The following FOXN1 variants were observed in gnomAD, a reference collection of about 807,000 sequenced individuals.
FOXN1 encodes the protein forkhead box protein N1.
A neutral mutation model predicts 49.0 loss-of-function variants in FOXN1; 15 were observed. The ratio of observed to expected loss-of-function variants is 0.31; its 90% CI spans 0.20 to 0.47. The LOEUF (loss-of-function observed/expected upper bound fraction) is 0.47, where lower values mean the gene tolerates loss of function less well. FOXN1 is among the 20% of genes least tolerant of loss of function. The pLI, the probability that FOXN1 is intolerant of heterozygous loss-of-function variation, is 1.00. For synonymous variants in FOXN1, 356 were observed against 369.0 expected (o/e 0.96, Z 0.40); for missense variants, 800 against 842.8 (o/e 0.95, Z 0.63).
Position 28,535,094 on chromosome 17 carries a change from A to C in FOXN1, c.1523A>C (p.Glu508Ala). Residue 508 changes from glutamate (E) to alanine (A), a missense_variant, in exon 8 of 9, where the codon GAG becomes GCG. Physicochemically the swap from Glu to Ala is moderately radical, Grantham distance 107. Around this residue, in one of 3 missense-constraint regions of FOXN1, gnomAD observed 344 missense variants for 366.1 expected, o/e 0.94. Coordinates refer to ENST00000579795, the MANE Select transcript of FOXN1 (RefSeq NM_001369369.1). ...PPSHSAKLLAEPSPARTMHDT... is the reference protein window; with the variant it reads ...PPSHSAKLLAAPSPARTMHDT... ...AGCCACAGTGCCAAGCTACTGGCCG[A>C]GCCTTCCCCAGCCAGGACTATGCAC... 6.2e-7 allele frequency: 1 copy of C among 1,607,080 alleles called. No homozygotes were observed. Among genetic ancestry groups the C allele is most frequent in the Non-Finnish European group, 8.5e-7 (1 of 1,175,196 alleles).
At position 28,529,085 on chromosome 17, in the gene FOXN1, C is replaced by A. The variant is rs755343480; in HGVS notation, c.700-9C>A. 12 of 1,614,072 alleles carry A rather than the reference C, an allele frequency of 7.4e-6. No individual in the cohort carries two copies. The Middle Eastern group carries it at 4.9e-4, about 67-fold the overall frequency. On this transcript the variant is annotated splice_polypyrimidine_tract_variant and intron_variant, in intron 4 of 8. Coordinates refer to ENST00000579795, the MANE Select transcript of FOXN1 (RefSeq NM_001369369.1). ...CATGCAATCACTCTGCCCCTTTTGACCTCCTCAGTACTCGCCAGGTGGTGG... is the reference window on the plus strand; with the variant it reads ...CATGCAATCACTCTGCCCCTTTTGAACTCCTCAGTACTCGCCAGGTGGTGG...
Position 28,516,164 on chromosome 17 carries a change from TACCTCCACAGGGTACAC to T in FOXN1, c.-14-7763_-14-7747del, listed in dbSNP as rs1229010673. On this transcript the variant is annotated intron_variant, in intron 1 of 8. Transcript: ENST00000579795. ...AGGGTACACATCTCCACAGGATCCA[TACCTCCACAGGGTACAC>T]ACCTCCACAGGGTACACACCTCCAC... Among the ~76,000 whole-genome samples the T allele has an allele frequency of 6.0e-4, 77 of 128,640 alleles. 1 individual carries two copies. The highest frequency in any genetic ancestry group is 3.6e-3 in the South Asian group (14 of 3,840). 84.4% of individuals were successfully genotyped at this position (128,640 alleles called of 152,430 possible). A position where few individuals can be genotyped will look rare whatever the true frequency, so the allele number is the denominator to read the frequency against.
At chr17:28,535,223 G>C in intron 8 of FOXN1, 25 bp downstream of exon 8, 1 of 1,610,134 alleles carries the variant, frequency 6.2e-7, no homozygotes, top group Non-Finnish European at 8.5e-7. Context: ...GGAAAGGGAA[G>C]GTGGGACAGG....
Position 28,537,331 on chromosome 17 carries a change from CA to C in FOXN1, c.1843del (p.Thr615ProfsTer61). On this transcript the variant is annotated frameshift_variant, in exon 9 of 9. Coordinates refer to ENST00000579795, the MANE Select transcript of FOXN1 (RefSeq NM_001369369.1). LOFTEE classifies it high-confidence loss of function. ...GGGCACTGGGTGACCTGCACCTCAC[CA>C]CCCTCTACTCTGCCTTTATGGAGCT... ...SGALGDLHLT[T>X]LYSAFMELEP... 6.2e-7 allele frequency: 1 copy of C among 1,613,436 alleles called. No homozygotes were observed. The highest frequency in any genetic ancestry group is 8.5e-7 in the Non-Finnish European group (1 of 1,179,658).
In FOXN1 at chr17:28,514,152, C is replaced by A. The variant is rs570943908; in HGVS notation, c.-15+7709C>A. Among the ~76,000 whole-genome samples the A allele has an allele frequency of 7.9e-5, 12 of 152,258 alleles. No homozygotes were observed. The South Asian group carries it at 2.5e-3, about 32-fold the overall frequency. On this transcript the variant is annotated intron_variant, in intron 1 of 8. Coordinates refer to ENST00000579795, the MANE Select transcript of FOXN1 (RefSeq NM_001369369.1). The stretch of plus-strand genomic sequence containing the variant: ...GGCGTACTAGGCAATGCTCTGGGAC[C>A]AGCCTGCTTCCAGAGGCACATGGGA...
intron 1 of FOXN1, among the ~76,000 whole-genome samples, chr17:28,517,978 C>G (rs1425655982): frequency 6.8e-6 from 1 of 148,044 alleles, no homozygotes; most frequent in East Asian, 2.0e-4. Context: ...CATGCCTCCA[C>G]TGGGTACACA....
Position 28,529,056 on chromosome 17 carries a change from G to C in FOXN1, c.700-38G>C, listed in dbSNP as rs762666652. 4 of 1,613,620 alleles carry C rather than the reference G, an allele frequency of 2.5e-6. No individual in the cohort carries two copies. The South Asian group carries it at 4.4e-5, about 18-fold the overall frequency. ...GGAGGGCCCTCCTGGGAAAGGCTGG[G>C]TACCATGCAATCACTCTGCCCCTTT... On this transcript the variant is annotated intron_variant, in intron 4 of 8. Transcript: ENST00000579795.
chr17:28,515,297 T>C (rs2069471855), intron 1 of FOXN1, among the ~76,000 whole-genome samples: 1 of 149,946 alleles, frequency 6.7e-6, no homozygotes, highest in Non-Finnish European at 1.5e-5. Context: ...TTCCACAGGG[T>C]ACATACCTCC....
At chr17:28,510,587 C>T (rs2069374411) in intron 1 of FOXN1, among the ~76,000 whole-genome samples, 1 of 87,962 alleles carries the variant, frequency 1.1e-5, no homozygotes, top group Non-Finnish European at 2.3e-5. Flanking sequence ...CACGCACACA[C>T]ACACACACAC....
intron 1 of FOXN1, among the ~76,000 whole-genome samples, chr17:28,518,673 G>A (rs1455760379): frequency 6.6e-6 from 1 of 152,146 alleles, no homozygotes; most frequent in Non-Finnish European, 1.5e-5. Context: ...GCTCCCCAAG[G>A]ATCATGGCAG....
intron 1 of FOXN1, among the ~76,000 whole-genome samples, chr17:28,517,258 A>T (rs543367076): frequency 1.5e-5 from 2 of 134,736 alleles, no homozygotes; most frequent in Non-Finnish European, 3.2e-5. Context: ...CCATACCTCC[A>T]CAGGGACACA....
At chr17:28,529,342 G>C in intron 5 of FOXN1, 118 bp downstream of exon 5, 1 of 1,276,528 alleles carries the variant, frequency 7.8e-7, no homozygotes, top group Non-Finnish European at 1.1e-6. Context: ...AATCATACCA[G>C]TGGGCTTCCA....
intron 3 of FOXN1, 118 bp downstream of exon 3, chr17:28,525,085 C>A: frequency 1.2e-6 from 1 of 849,074 alleles, no homozygotes; most frequent in Non-Finnish European, 1.9e-6. Context: ...CCTTGCCACT[C>A]AAGACCAGAG....
In FOXN1 at chr17:28,537,468, G is replaced by T. The variant is rs763238011; in HGVS notation, c.*32G>T. On this transcript the variant is annotated 3_prime_UTR_variant, in exon 9 of 9. Transcript: ENST00000579795. ...CCCAGCTTCGTCAGCTCCAGCGTTT[G>T]CCTGGTCTGGAAGTCCTGGCCGGCC... The T allele has an allele frequency of 6.4e-7, 1 of 1,567,848 alleles. No homozygotes were observed. The highest frequency in any genetic ancestry group is 1.1e-5 in the South Asian group (1 of 90,074).
At chr17:28,513,509 A>C (rs1396513697) in intron 1 of FOXN1, among the ~76,000 whole-genome samples, 1 of 152,236 alleles carries the variant, frequency 6.6e-6, no homozygotes, top group Non-Finnish European at 1.5e-5. Context: ...ATCTTTACAT[A>C]CATAAATACA....
intron 8 of FOXN1, among the ~76,000 whole-genome samples, chr17:28,536,792 G>A (rs370121404): frequency 6.6e-6 from 1 of 152,124 alleles, no homozygotes; most frequent in Non-Finnish European, 1.5e-5. Context: ...CATGAGCCAG[G>A]GTTCACTCCC....
At chr17:28,512,158 G>A (rs192437574) in intron 1 of FOXN1, among the ~76,000 whole-genome samples, 1 of 152,316 alleles carries the variant, frequency 6.6e-6, no homozygotes, top group Non-Finnish European at 1.5e-5. Context: ...GCTTGTTGAG[G>A]AGGGATGAAG....
intron 3 of FOXN1, among the ~76,000 whole-genome samples, chr17:28,526,138 TC>T (rs1166133041): frequency 6.6e-6 from 1 of 152,272 alleles, no homozygotes; most frequent in Admixed American, 6.5e-5. Flanking sequence ...ACCCTTGCCC[TC>T]CCACACATGG....
rs970402793 is a variant in FOXN1 at position 28,538,713 on chromosome 17, G to A, written c.*1277G>A. The A allele has an allele frequency of 6.6e-6, 1 of 152,236 alleles. No homozygotes were observed. Among genetic ancestry groups the A allele is most frequent in the Non-Finnish European group, 1.5e-5 (1 of 68,054 alleles). 9.4% of individuals were successfully genotyped at this position (152,236 alleles called of 1,614,324 possible). A position where few individuals can be genotyped will look rare whatever the true frequency, so the allele number is the denominator to read the frequency against. On this transcript the variant is annotated 3_prime_UTR_variant, in exon 9 of 9. Transcript: ENST00000579795. ...CAAGGGATACCCTTGGCCCTGCGGG[G>A]TGTGGCCCAGGTGCCTGCCATGAGC...
Sources: gnomAD v4.1 joint callset for allele counts (sites outside exome capture counted in the v4.1 genomes callset) on GRCh38, gnomAD v4.1.1 for gene constraint, gnomAD v4.1.1 regional missense constraint, MANE v1.5 for transcripts, NCBI Gene and HGNC (gene_info 2026-07-23, HGNC 2026-07-21) for gene names.